The following TRABD2B variants were observed in gnomAD, a reference collection of about 807,000 sequenced individuals.
The protein encoded by TRABD2B is metalloprotease TIKI2.
In TRABD2B, 14 loss-of-function variants were observed where a neutral mutation model predicts 40.1. The observed-to-expected ratio is 0.35, with a 90% CI of 0.23 to 0.55. The LOEUF (loss-of-function observed/expected upper bound fraction) is 0.55, where lower values mean the gene tolerates loss of function less well. TRABD2B is among the 20% of genes least tolerant of loss of function. The pLI, the probability that TRABD2B is intolerant of heterozygous loss-of-function variation, is 0.90. For synonymous variants in TRABD2B, 263 were observed against 277.0 expected, an observed-to-expected ratio of 0.95 and a Z score of 0.50; for missense variants, 541 against 648.6, an observed-to-expected ratio of 0.83 and a Z score of 1.80.
chr1:47,841,426 C>T (rs1002739643), intron 2 of TRABD2B, among the ~76,000 whole-genome samples: 4 of 152,270 alleles, frequency 2.6e-5, no homozygotes, highest in African/African-American at 9.6e-5. Context: ...GCCAGGCCAG[C>T]GCCTGAATCC....
rs1269427418 is a variant in TRABD2B, at chr1:47,994,238, G to A, written c.462C>T (p.Ile154=). 8.4e-6 allele frequency: 13 copies of A among 1,542,592 alleles called. No individual in the cohort carries two copies. The highest frequency in any genetic ancestry group is 1.0e-5 in the Non-Finnish European group (12 of 1,149,820). ...GLYADYLFNA[I]AGNWERKRPV... is the part of the protein sequence containing the mutation. ...GCCTCTTGCGCTCCCAGTTGCCCGCGATGGCATTGAATAGGTAGTCAGCAT... is the reference window on the plus strand; with the variant it reads ...GCCTCTTGCGCTCCCAGTTGCCCGCAATGGCATTGAATAGGTAGTCAGCAT... Residue 154 remains isoleucine, a synonymous_variant, in exon 2 of 7, where the codon ATC becomes ATT. Transcript: ENST00000606738. The surrounding 1 kb of genome is among the most constrained non-coding windows in gnomAD (Gnocchi z 6.7).
rs1028191868 is a variant in TRABD2B at position 47,997,016 on chromosome 1, C to A, written c.-227G>T. Reference sequence around the variant, plus strand: ...AGACCCTCTAGGGCTGGGCCCCTCCCCCGGGCGCTCAACCTCGCTGGCCGA... The same window carrying A: ...AGACCCTCTAGGGCTGGGCCCCTCCACCGGGCGCTCAACCTCGCTGGCCGA... On this transcript the variant is annotated 5_prime_UTR_variant, in exon 1 of 7. Coordinates refer to ENST00000606738, the MANE Select transcript of TRABD2B (RefSeq NM_001194986.2). 13 of 1,071,896 alleles carry A rather than the reference C, an allele frequency of 1.2e-5. No individual in the cohort carries two copies. The highest frequency in any genetic ancestry group is 1.7e-5 in the African/African-American group (1 of 59,374). 66.4% of individuals were successfully genotyped at this position (1,071,896 alleles called of 1,614,324 possible). A position where few individuals can be genotyped will look rare whatever the true frequency, so the allele number is the denominator to read the frequency against.
At chr1:47,768,785 TAAC>T (rs1265100995) in intron 6 of TRABD2B, among the ~76,000 whole-genome samples, 1 of 152,254 alleles carries the variant, frequency 6.6e-6, no homozygotes. Context: ...CTCCTAATAA[TAAC>T]ACCTTCCACT....
intron 2 of TRABD2B, among the ~76,000 whole-genome samples, chr1:47,963,986 T>C (rs1241125136): frequency 6.6e-6 from 1 of 152,202 alleles, no homozygotes; most frequent in Non-Finnish European, 1.5e-5. Flanking sequence ...ATACAGGCCA[T>C]GGTCACCGTG....
chr1:47,903,226 A>C (rs1361735687), intron 2 of TRABD2B, among the ~76,000 whole-genome samples: 1 of 152,066 alleles, frequency 6.6e-6, no homozygotes, highest in Admixed American at 6.5e-5. Context: ...AGTGTACGTC[A>C]AATTGCCTTG....
intron 2 of TRABD2B, among the ~76,000 whole-genome samples, chr1:47,959,135 G>A (rs1645470575): frequency 6.6e-6 from 1 of 152,104 alleles, no homozygotes. Context: ...CGAAATGAAG[G>A]CAGAAATAAA....
intron 2 of TRABD2B, among the ~76,000 whole-genome samples, chr1:47,965,518 C>T (rs568839770): frequency 8.0e-4 from 122 of 152,236 alleles, no homozygotes; most frequent in Non-Finnish European, 1.5e-3. Flanking sequence ...CCCTTCCCTC[C>T]CCTTTTCCTG....
chr1:47,845,327 C>T (rs1395041874), intron 2 of TRABD2B, among the ~76,000 whole-genome samples: 2 of 152,224 alleles, frequency 1.3e-5, no homozygotes, highest in African/African-American at 2.4e-5. Context: ...CACACTTTCT[C>T]TTCTTAATAT....
At chr1:47,835,468 A>G (rs1645306262) in intron 2 of TRABD2B, among the ~76,000 whole-genome samples, 1 of 152,248 alleles carries the variant, frequency 6.6e-6, no homozygotes, top group Admixed American at 6.5e-5. Flanking sequence ...AAAGAGATCC[A>G]CACCCAGACA....
At chr1:47,956,892 T>G (rs1645431153) in intron 2 of TRABD2B, among the ~76,000 whole-genome samples, 2 of 152,220 alleles carry the variant, frequency 1.3e-5, no homozygotes, top group South Asian at 4.1e-4. Flanking sequence ...GATCTGAGAA[T>G]GGACAGACTG....
intron 2 of TRABD2B, among the ~76,000 whole-genome samples, chr1:47,922,687 G>A (rs1644918106): frequency 6.6e-6 from 1 of 152,138 alleles, no homozygotes; most frequent in African/African-American, 2.4e-5. Context: ...CACACACAAT[G>A]CTCTGTTGAT....
intron 2 of TRABD2B, among the ~76,000 whole-genome samples, chr1:47,878,197 T>C (rs1196783436): frequency 6.6e-6 from 1 of 151,880 alleles, no homozygotes; most frequent in Non-Finnish European, 1.5e-5. Context: ...GCACCTGTAA[T>C]CCCAGCTACT....
At chr1:47,977,040 T>C (rs963728605) in intron 2 of TRABD2B, among the ~76,000 whole-genome samples, 18 of 152,192 alleles carry the variant, frequency 1.2e-4, no homozygotes, top group African/African-American at 3.9e-4. Flanking sequence ...ATGGTGTATT[T>C]AGCTTTATGC....
At chr1:47,902,824 G>A (rs1644620770) in intron 2 of TRABD2B, among the ~76,000 whole-genome samples, 1 of 152,148 alleles carries the variant, frequency 6.6e-6, no homozygotes, top group Admixed American at 6.5e-5. Flanking sequence ...TGGCTGTTGA[G>A]CACCTGAAAT....
At chr1:47,821,096 C>T (rs1210799767) in intron 2 of TRABD2B, among the ~76,000 whole-genome samples, 2 of 152,204 alleles carry the variant, frequency 1.3e-5, no homozygotes, top group Admixed American at 6.5e-5. Flanking sequence ...AACATGAGCA[C>T]AGGCTCTCAC....
intron 4 of TRABD2B, among the ~76,000 whole-genome samples, chr1:47,783,247 T>G (rs1454787620): frequency 3.6e-5 from 5 of 138,742 alleles, no homozygotes; most frequent in Non-Finnish European, 6.3e-5. Context: ...GAGACAACAG[T>G]AGGGAGAGAG....
chr1:47,893,726 G>A (rs553786459), intron 2 of TRABD2B, among the ~76,000 whole-genome samples: 6 of 152,272 alleles, frequency 3.9e-5, no homozygotes, highest in South Asian at 4.1e-4. Context: ...CCTTCCTAGC[G>A]TTGTTCCAGG....
At chr1:47,896,657 C>T (rs1438252851) in intron 2 of TRABD2B, among the ~76,000 whole-genome samples, 3 of 152,194 alleles carry the variant, frequency 2.0e-5, no homozygotes, top group Non-Finnish European at 2.9e-5. Flanking sequence ...GTGATCTGCC[C>T]ACGAGCTGAG....
intron 2 of TRABD2B, among the ~76,000 whole-genome samples, chr1:47,950,713 A>T (rs1645330227): frequency 6.6e-6 from 1 of 152,252 alleles, no homozygotes; most frequent in Non-Finnish European, 1.5e-5. Context: ...GGTCACTCTC[A>T]GCCTCTGCTG....
Sources: gnomAD v4.1 joint callset for allele counts (sites outside exome capture counted in the v4.1 genomes callset) on GRCh38, gnomAD v4.1.1 for gene constraint, Gnocchi (gnomAD v3.1) non-coding constraint, MANE v1.5 for transcripts, NCBI Gene and HGNC (gene_info 2026-07-23, HGNC 2026-07-21) for gene names.